GLIS1: variants seen among roughly 807,000 people sequenced by gnomAD.
GLIS1 encodes GLIS family zinc finger 1.
GLIS1 carries 24 observed loss-of-function variants against 63.8 expected under a neutral mutation model. That is an observed-to-expected ratio of 0.38 (90% CI 0.27 to 0.53). The LOEUF is 0.53. GLIS1 is among the 20% of genes least tolerant of loss of function. GLIS1 has a pLI of 0.85. For synonymous variants in GLIS1, 450 were observed against 482.5 expected, an observed-to-expected ratio of 0.93 and a Z score of 0.88; for missense variants, 1,036 against 1,074.1, an observed-to-expected ratio of 0.96 and a Z score of 0.50.
At chr1:53,704,509 C>T (rs1382183242) in intron 2 of GLIS1, among the ~76,000 whole-genome samples, 1 of 152,132 alleles carries the variant, frequency 6.6e-6, no homozygotes, top group African/African-American at 2.4e-5. Flanking sequence ...AGCCCTGCCA[C>T]CCTGGGCCTG....
chr1:53,589,280 AAAC>A (rs1645165504), intron 4 of GLIS1, among the ~76,000 whole-genome samples: 1 of 152,192 alleles, frequency 6.6e-6, no homozygotes, highest in South Asian at 2.1e-4. Flanking sequence ...TAGGAGGTCA[AAAC>A]AACAGATAGG....
intron 4 of GLIS1, among the ~76,000 whole-genome samples, chr1:53,543,386 G>C (rs1279287113): frequency 6.6e-6 from 1 of 152,182 alleles, no homozygotes; most frequent in Non-Finnish European, 1.5e-5. Context: ...AGGTGCCACC[G>C]TAATCGCCTT....
intron 2 of GLIS1, among the ~76,000 whole-genome samples, chr1:53,652,056 C>T (rs969227642): frequency 7.9e-5 from 12 of 152,080 alleles, no homozygotes; most frequent in African/African-American, 2.2e-4. Context: ...GGACAGCTGG[C>T]GGAGGCAGAA....
intron 2 of GLIS1, among the ~76,000 whole-genome samples, chr1:53,641,661 G>T (rs1224934919): frequency 6.6e-6 from 1 of 152,142 alleles, no homozygotes; most frequent in South Asian, 2.1e-4. Context: ...ATGGAGCCTT[G>T]AATAAACAAG....
At chr1:53,708,231 C>T (rs1646601312) in intron 2 of GLIS1, among the ~76,000 whole-genome samples, 1 of 151,768 alleles carries the variant, frequency 6.6e-6, no homozygotes, top group South Asian at 2.1e-4. Flanking sequence ...TGCAGTGAGC[C>T]GAGATCGCAT....
At chr1:53,684,960 C>G (rs189025173) in intron 2 of GLIS1, among the ~76,000 whole-genome samples, 1 of 152,080 alleles carries the variant, frequency 6.6e-6, no homozygotes, top group Non-Finnish European at 1.5e-5. Flanking sequence ...AAGAGACTCA[C>G]GGGAGGGGAG....
intron 2 of GLIS1, among the ~76,000 whole-genome samples, chr1:53,621,790 C>T (rs1645545482): frequency 6.6e-6 from 1 of 152,086 alleles, no homozygotes; most frequent in Non-Finnish European, 1.5e-5. Flanking sequence ...TTGATTTGGT[C>T]ATCAGACATC....
intron 2 of GLIS1, among the ~76,000 whole-genome samples, chr1:53,625,761 A>T (rs1054688345): frequency 6.6e-6 from 1 of 152,224 alleles, no homozygotes; most frequent in Admixed American, 6.5e-5. Flanking sequence ...AAACTGTTTC[A>T]AACCCATACT....
At chr1:53,619,838 G>T (rs1405842967) in intron 2 of GLIS1, among the ~76,000 whole-genome samples, 2 of 152,224 alleles carry the variant, frequency 1.3e-5, no homozygotes, top group African/African-American at 2.4e-5. Flanking sequence ...GGAGACTGAG[G>T]CCCAGTGAGC....
At chr1:53,545,265 A>G (rs1473056705) in intron 4 of GLIS1, among the ~76,000 whole-genome samples, 1 of 152,216 alleles carries the variant, frequency 6.6e-6, no homozygotes, top group Non-Finnish European at 1.5e-5. Context: ...AACCCCATGC[A>G]GAGACACTGT....
rs1446290832 is a variant in GLIS1 at position 53,598,560 on chromosome 1, C to T, written c.437+1541G>A. ...AAAAAAAAAAAAGGAGGAATTAGGGCACAGGCCGAGGGATGGCCACGTGAG... is the reference window on the plus strand; with the variant it reads ...AAAAAAAAAAAAGGAGGAATTAGGGTACAGGCCGAGGGATGGCCACGTGAG... On this transcript the variant is annotated intron_variant, in intron 3 of 10. Coordinates refer to ENST00000628545, the MANE Select transcript of GLIS1 (RefSeq NM_001367484.1). The surrounding 1 kb of genome is among the most constrained non-coding windows in gnomAD (Gnocchi z 4.6). Among the ~76,000 whole-genome samples, 2 of 151,788 alleles carry T rather than the reference C, an allele frequency of 1.3e-5. No homozygotes were observed. The highest frequency in any genetic ancestry group is 2.9e-5 in the Non-Finnish European group (2 of 67,960).
chr1:53,553,305 G>A (rs750028030), intron 4 of GLIS1, among the ~76,000 whole-genome samples: 11 of 151,898 alleles, frequency 7.2e-5, no homozygotes, highest in Non-Finnish European at 1.3e-4. Flanking sequence ...GTCTTGGTTC[G>A]CATACCTGCT....
At chr1:53,551,317 T>A (rs555270813) in intron 4 of GLIS1, among the ~76,000 whole-genome samples, 1 of 152,300 alleles carries the variant, frequency 6.6e-6, no homozygotes, top group East Asian at 1.9e-4. Flanking sequence ...TACAAAGAAA[T>A]TTAAAACACC....
At chr1:53,630,647 C>T (rs1645642486) in intron 2 of GLIS1, among the ~76,000 whole-genome samples, 1 of 152,284 alleles carries the variant, frequency 6.6e-6, no homozygotes, top group East Asian at 1.9e-4. Flanking sequence ...AGGTGTGTGC[C>T]ACCATGGCTC....
chr1:53,597,627 G>A (rs1276850705), intron 3 of GLIS1, among the ~76,000 whole-genome samples: 2 of 152,150 alleles, frequency 1.3e-5, no homozygotes, highest in Non-Finnish European at 2.9e-5. Context: ...GGCGCCGAGA[G>A]TGGAGAGAAG....
Position 53,509,135 on chromosome 1 carries a change from G to T in GLIS1, c.2215C>A (p.Pro739Thr). The T allele has an allele frequency of 6.3e-7, 1 of 1,585,124 alleles. No individual in the cohort carries two copies. Among genetic ancestry groups the T allele is most frequent in the Non-Finnish European group, 8.6e-7 (1 of 1,164,014 alleles). The change falls in exon 10 of 11, where the codon CCC becomes ACC. Residue 739 changes from proline to threonine, a missense_variant. Pro to Thr is a conservative substitution (Grantham distance 38). Around this residue, in one of 3 missense-constraint regions of GLIS1, gnomAD observed 400 missense variants for 400.9 expected, o/e 1.00. Coordinates refer to ENST00000628545, the MANE Select transcript of GLIS1 (RefSeq NM_001367484.1). Reference sequence around the variant, plus strand: ...CAGGGCTCACCTGTGGCAGGCAAGGGCGTGCTGAGGCTGTGGTAGCCATTG... The same window carrying T: ...CAGGGCTCACCTGTGGCAGGCAAGGTCGTGCTGAGGCTGTGGTAGCCATTG... ...RPNGYHSLST[P>T]LPATGYEALA...
intron 2 of GLIS1, among the ~76,000 whole-genome samples, chr1:53,627,130 G>A (rs183356297): frequency 1.5e-4 from 23 of 152,246 alleles, no homozygotes; most frequent in Admixed American, 1.1e-3. Flanking sequence ...CATGAATCTC[G>A]AACAAGGCAT....
chr1:53,683,846 G>A (rs1215879730), intron 2 of GLIS1, among the ~76,000 whole-genome samples: 3 of 152,180 alleles, frequency 2.0e-5, no homozygotes, highest in Non-Finnish European at 4.4e-5. Flanking sequence ...TGCATTGGGA[G>A]GATGTGGACT....
chr1:53,516,152 G>A (rs547707503), intron 7 of GLIS1, among the ~76,000 whole-genome samples: 1 of 152,140 alleles, frequency 6.6e-6, no homozygotes, highest in South Asian at 2.1e-4. Context: ...TGATTGGCCA[G>A]TGTGCACCAG....
Sources: allele counts gnomAD v4.1 joint callset (sites outside exome capture counted in the v4.1 genomes callset), GRCh38; gene constraint gnomAD v4.1.1; regional missense constraint gnomAD v4.1.1; non-coding constraint Gnocchi (gnomAD v3.1); transcripts MANE v1.5; gene names NCBI Gene and HGNC (gene_info 2026-07-23, HGNC 2026-07-21).